Variants in MTA3 observed in about 807,000 individuals in gnomAD.
MTA3 encodes the protein metastasis associated 1 family member 3, also known as metastasis-associated protein MTA3.
A neutral mutation model predicts 83.5 loss-of-function variants in MTA3; 34 were observed. The ratio of observed to expected loss-of-function variants is 0.41; its 90% CI spans 0.31 to 0.54. The LOEUF (loss-of-function observed/expected upper bound fraction) is 0.54. Among genes scored for constraint, MTA3 ranks in the 20% least tolerant of loss-of-function variants. MTA3 has a pLI of 0.33. For missense variants in MTA3, 761 were observed against 726.4 expected (o/e 1.05, Z -0.55); for synonymous variants, 303 against 252.7 (o/e 1.20, Z -1.89).
intron 4 of MTA3, among the ~76,000 whole-genome samples, chr2:42,612,985 A>G (rs1334369522): frequency 6.6e-6 from 1 of 152,252 alleles, no homozygotes; most frequent in Non-Finnish European, 1.5e-5. Context: ...TATATTTTTA[A>G]TTTACTCTCC....
chr2:42,575,815 C>T (rs1048217423), intron 2 of MTA3, among the ~76,000 whole-genome samples: 1 of 152,154 alleles, frequency 6.6e-6, no homozygotes, highest in African/African-American at 2.4e-5. Flanking sequence ...GCTTATTTCA[C>T]ACTCCTTTAT....
At chr2:42,612,388 A>T (rs1447395026) in intron 4 of MTA3, among the ~76,000 whole-genome samples, 2 of 151,764 alleles carry the variant, frequency 1.3e-5, no homozygotes, top group Non-Finnish European at 2.9e-5. Flanking sequence ...CTAATTTTTT[A>T]TATTTTTTGT....
chr2:42,707,500 A>C (rs995879154), intron 12 of MTA3, among the ~76,000 whole-genome samples: 3 of 151,826 alleles, frequency 2.0e-5, no homozygotes, highest in Non-Finnish European at 2.9e-5. Context: ...GCCTGCCTCA[A>C]CCTCCCAAAG....
Position 42,707,906 on chromosome 2 carries a change from C to T in MTA3, c.1154C>T (p.Thr385Ile), listed in dbSNP as rs1666244315. 1 of 1,557,306 alleles carries T rather than the reference C, an allele frequency of 6.4e-7. No homozygotes were observed. The highest frequency in any genetic ancestry group is 1.4e-5 in the African/African-American group (1 of 72,232). ...LGRACESCYATQSHQWYSWGP... is the reference protein window; with the variant it reads ...LGRACESCYAIQSHQWYSWGP... ...TCTTATTTTTCTTCTGCTTTAGCTA[C>T]ACAGTCTCACCAGTGGTATTCTTGG... Residue 385 changes from threonine (T) to isoleucine (I), a missense_variant, in exon 13 of 17, where the codon ACA becomes ATA. Transcript: ENST00000405094.
chr2:42,587,320 TAA>T (rs1028605666), intron 3 of MTA3, among the ~76,000 whole-genome samples: 3 of 152,102 alleles, frequency 2.0e-5, no homozygotes, highest in African/African-American at 7.2e-5. Context: ...TCCCAAAATA[TAA>T]GTTGACATTT....
chr2:42,509,744 C>G (rs1027703039), intron 2 of MTA3, among the ~76,000 whole-genome samples: 11 of 151,814 alleles, frequency 7.2e-5, no homozygotes, highest in African/African-American at 2.4e-4. Context: ...GCACTTTAGT[C>G]TGGGCGACAC....
At chr2:42,748,178 G>A (rs1489747690) in intron 16 of MTA3, among the ~76,000 whole-genome samples, 1 of 149,822 alleles carries the variant, frequency 6.7e-6, no homozygotes, top group African/African-American at 2.5e-5. Flanking sequence ...ACAGGCATGT[G>A]CCATCACATC....
intron 2 of MTA3, among the ~76,000 whole-genome samples, chr2:42,532,239 A>G (rs1676014586): frequency 6.6e-6 from 1 of 152,248 alleles, no homozygotes; most frequent in South Asian, 2.1e-4. Context: ...GGCCGTGTGC[A>G]GTGGCTCATA....
At chr2:42,724,277 A>ACACACACACACACACACACAC (rs1553396461) in intron 16 of MTA3, among the ~76,000 whole-genome samples, 28 of 73,178 alleles carry the variant, frequency 3.8e-4, no homozygotes, top group African/African-American at 1.3e-3. Flanking sequence ...AGTCCTGAAA[A>ACACACACACACACACACACAC]ACACACACAC....
Position 42,647,977 on chromosome 2 carries a change from A to T in MTA3, c.499+3733A>T, listed in dbSNP as rs1382336961. Among the ~76,000 whole-genome samples, 8 of 152,214 alleles carry T rather than the reference A, an allele frequency of 5.3e-5. No homozygotes were observed. The East Asian group carries it at 1.5e-3, about 29-fold the overall frequency. On this transcript the variant is annotated intron_variant, in intron 6 of 16. Coordinates refer to ENST00000405094, the MANE Select transcript of MTA3 (RefSeq NM_001330442.2). Reference sequence around the variant, plus strand: ...TGCATCAGCCTCCCAAGTGGCTGGGATTACAGGTGCCTGCCACCACACCCA... The same window carrying T: ...TGCATCAGCCTCCCAAGTGGCTGGGTTTACAGGTGCCTGCCACCACACCCA...
intron 10 of MTA3, among the ~76,000 whole-genome samples, chr2:42,696,915 A>G (rs937131040): frequency 3.9e-5 from 6 of 152,306 alleles, no homozygotes; most frequent in East Asian, 3.9e-4. Flanking sequence ...CTGGGAACCT[A>G]TTTTATTAAA....
chr2:42,515,618 T>C (rs1226290983), intron 2 of MTA3, among the ~76,000 whole-genome samples: 1 of 151,946 alleles, frequency 6.6e-6, no homozygotes, highest in African/African-American at 2.4e-5. Flanking sequence ...TTCTCCTGCC[T>C]CAGCCTTCTG....
chr2:42,568,640 G>T lies in MTA3; in HGVS notation c.-106G>T. 1.3e-6 allele frequency: 1 copy of T among 747,264 alleles called. No individual in the cohort carries two copies. The highest frequency in any genetic ancestry group is 1.8e-6 in the Non-Finnish European group (1 of 568,234). 46.3% of individuals were successfully genotyped at this position (747,264 alleles called of 1,614,324 possible). ...TCCCTCCCTTCCCCCCCGTGGCGAGGCAGCAGCGACGGCGGCGGCGGCAGC... is the reference window on the plus strand; with the variant it reads ...TCCCTCCCTTCCCCCCCGTGGCGAGTCAGCAGCGACGGCGGCGGCGGCAGC... On this transcript the variant is annotated 5_prime_UTR_variant, in exon 1 of 17. Coordinates refer to ENST00000405094, the MANE Select transcript of MTA3 (RefSeq NM_001330442.2).
At chr2:42,505,213 A>G (rs372477135) in intron 2 of MTA3, among the ~76,000 whole-genome samples, 2 of 152,162 alleles carry the variant, frequency 1.3e-5, no homozygotes, top group East Asian at 3.9e-4. Flanking sequence ...TAACACAGTG[A>G]AACTCTATCT....
intron 4 of MTA3, among the ~76,000 whole-genome samples, chr2:42,623,042 A>C (rs1210601090): frequency 1.3e-5 from 2 of 152,224 alleles, no homozygotes; most frequent in African/African-American, 4.8e-5. Flanking sequence ...ATGGTAATGT[A>C]ATGAGGAAAA....
At chr2:42,626,075 T>C (rs1040173284) in intron 4 of MTA3, among the ~76,000 whole-genome samples, 1 of 149,688 alleles carries the variant, frequency 6.7e-6, no homozygotes, top group Non-Finnish European at 1.5e-5. Flanking sequence ...CCCGAGTAGC[T>C]GGGACTACAG....
At chr2:42,632,129 G>A (rs547055376) in intron 4 of MTA3, among the ~76,000 whole-genome samples, 1 of 112,700 alleles carries the variant, frequency 8.9e-6, no homozygotes, top group African/African-American at 3.6e-5. Flanking sequence ...CTTGCTCATC[G>A]CCCAGGCTGG....
chr2:42,567,920 G>C (rs1473658292), upstream of MTA3: 1 of 152,244 alleles, frequency 6.6e-6, no homozygotes, highest in African/African-American at 2.4e-5. Flanking sequence ...TGCCCGTCTA[G>C]AGCCAGGGCC....
chr2:42,616,568 T>G (rs1684913829), intron 4 of MTA3, among the ~76,000 whole-genome samples: 1 of 125,608 alleles, frequency 8.0e-6, no homozygotes, highest in Admixed American at 9.2e-5. Context: ...CTCTTCTTCT[T>G]CTTCTTTTTT....
Sources: allele counts gnomAD v4.1 joint callset (sites outside exome capture counted in the v4.1 genomes callset), GRCh38; gene constraint gnomAD v4.1.1; transcripts MANE v1.5; gene names NCBI Gene and HGNC (gene_info 2026-07-23, HGNC 2026-07-21).